Variants in NFIB observed in about 807,000 individuals in gnomAD.
The protein encoded by NFIB is nuclear factor 1 B-type.
NFIB carries 11 observed loss-of-function variants against 61.5 expected under a neutral mutation model. The observed-to-expected ratio is 0.18, with a 90% CI of 0.11 to 0.30. The LOEUF (loss-of-function observed/expected upper bound fraction) is 0.30. NFIB is among the 10% of genes least tolerant of loss of function. The pLI is 1.00. For missense variants in NFIB, 471 were observed against 608.9 expected (o/e 0.77, Z 2.38); for synonymous variants, 260 against 216.5 (o/e 1.20, Z -1.76).
rs2039217388 is a variant in NFIB at position 14,123,543 on chromosome 9, C to T, written c.1060+2089G>A. 3.3e-5 allele frequency among the ~76,000 whole-genome samples: 5 copies of T among 152,308 alleles called. No homozygotes were observed. The South Asian group carries it at 1.0e-3, about 32-fold the overall frequency. Reference sequence around the variant, plus strand: ...AAATCCCAACAGGTTTTTCAGTACACACAACCTCAGGTACTCTGAGACCGA... The same window carrying T: ...AAATCCCAACAGGTTTTTCAGTACATACAACCTCAGGTACTCTGAGACCGA... On this transcript the variant is annotated intron_variant, in intron 7 of 10. Transcript: ENST00000380953.
chr9:14,298,815 T>G (rs2059592697), intron 2 of NFIB, among the ~76,000 whole-genome samples: 2 of 152,182 alleles, frequency 1.3e-5, no homozygotes, highest in Non-Finnish European at 2.9e-5. Context: ...GGTAGCAACT[T>G]AGCCAGGGCG....
chr9:14,327,233 C>G (rs1162168989), intron 1 of NFIB, among the ~76,000 whole-genome samples: 2 of 152,136 alleles, frequency 1.3e-5, no homozygotes, highest in Non-Finnish European at 2.9e-5. Context: ...GACCATCCTG[C>G]CTTTTGCTCA....
intron 1 of NFIB, among the ~76,000 whole-genome samples, chr9:14,375,889 G>C (rs755515839): frequency 6.6e-6 from 1 of 152,188 alleles, no homozygotes; most frequent in Non-Finnish European, 1.5e-5. Flanking sequence ...CCTTAGAGCT[G>C]ATACATCATC....
intron 2 of NFIB, among the ~76,000 whole-genome samples, chr9:14,244,818 T>C (rs1238599453): frequency 6.6e-6 from 1 of 152,214 alleles, no homozygotes; most frequent in Non-Finnish European, 1.5e-5. Context: ...TTGTTGTTCT[T>C]GCTACTGTTA....
At chr9:14,156,241 T>TGAAA (rs1226988018) in intron 3 of NFIB, among the ~76,000 whole-genome samples, 1 of 151,654 alleles carries the variant, frequency 6.6e-6, no homozygotes, top group Non-Finnish European at 1.5e-5. Context: ...AAGCGAAAAA[T>TGAAA]GAAAGAAAGA....
intron 1 of NFIB, among the ~76,000 whole-genome samples, chr9:14,376,956 T>C (rs895498197): frequency 2.0e-5 from 3 of 152,192 alleles, no homozygotes; most frequent in African/African-American, 7.2e-5. Context: ...TAGTTTTTCT[T>C]CTCATTTGAG....
intron 1 of NFIB, among the ~76,000 whole-genome samples, chr9:14,339,191 C>G (rs1356967971): frequency 6.6e-6 from 1 of 152,128 alleles, no homozygotes; most frequent in Non-Finnish European, 1.5e-5. Flanking sequence ...ATTTTAGGGA[C>G]AAAAATTGCT....
intron 9 of NFIB, among the ~76,000 whole-genome samples, chr9:14,115,574 C>T (rs1486138813): frequency 1.3e-5 from 2 of 150,812 alleles, no homozygotes; most frequent in Non-Finnish European, 1.5e-5. Context: ...CACTAAAAAG[C>T]ACAGTATTTG....
chr9:14,311,616 A>G (rs1240780979), intron 1 of NFIB, among the ~76,000 whole-genome samples: 2 of 152,200 alleles, frequency 1.3e-5, no homozygotes, highest in African/African-American at 4.8e-5. Context: ...ATATGATCCC[A>G]ACATTCCCTG....
chr9:14,099,348 A>G (rs2035368289), intron 10 of NFIB, among the ~76,000 whole-genome samples: 1 of 152,202 alleles, frequency 6.6e-6, no homozygotes. Flanking sequence ...ACTTATTCAG[A>G]TGATTCTAAA....
chr9:14,455,496 G>C, the NFIB span, among the ~76,000 whole-genome samples: 2 of 152,142 alleles, frequency 1.3e-5, no homozygotes, highest in African/African-American at 4.8e-5. Flanking sequence ...GGGGTGAGAG[G>C]AGGACATGGC....
chr9:14,496,608 C>A, the NFIB span, among the ~76,000 whole-genome samples: 2 of 152,150 alleles, frequency 1.3e-5, no homozygotes, highest in African/African-American at 2.4e-5. Flanking sequence ...ACATTGGGAA[C>A]CCTTGGCACC....
rs2033039921 is a variant in NFIB at position 14,087,523 on chromosome 9, C to T, written c.*786G>A. 1 of 225,788 alleles carries T rather than the reference C, an allele frequency of 4.4e-6. No homozygotes were observed. The highest frequency in any genetic ancestry group is 5.7e-5 in the Admixed American group (1 of 17,518). 14.0% of individuals were successfully genotyped at this position (225,788 alleles called of 1,614,324 possible). A position where few individuals can be genotyped will look rare whatever the true frequency, so the allele number is the denominator to read the frequency against. ...AGAGAACACTTCACCTACATAGAGG[C>T]ATTTCTTCCATAGAGCCTTTGTGTT... On this transcript the variant is annotated 3_prime_UTR_variant, in exon 11 of 11. Transcript: ENST00000380953.
At chr9:14,333,679 A>G (rs942241198) in intron 1 of NFIB, among the ~76,000 whole-genome samples, 2 of 152,238 alleles carry the variant, frequency 1.3e-5, no homozygotes, top group African/African-American at 4.8e-5. Flanking sequence ...TCGAAAAAGA[A>G]ATTGTCGTGT....
the NFIB span, among the ~76,000 whole-genome samples, chr9:14,429,690 C>T: frequency 6.6e-6 from 1 of 152,198 alleles, no homozygotes; most frequent in African/African-American, 2.4e-5. Flanking sequence ...CCACCACCAG[C>T]TGACACTCTG....
intron 6 of NFIB, among the ~76,000 whole-genome samples, chr9:14,128,903 T>C (rs1388113351): frequency 2.6e-5 from 4 of 152,192 alleles, no homozygotes; most frequent in East Asian, 3.9e-4. Flanking sequence ...AAGTTGAAGA[T>C]GATTATGTAA....
chr9:14,110,563 T>G (rs983879584), intron 10 of NFIB, among the ~76,000 whole-genome samples: 3 of 152,090 alleles, frequency 2.0e-5, no homozygotes, highest in African/African-American at 7.2e-5. Context: ...CAAATGCATT[T>G]AGAAACTGCC....
At chr9:14,237,840 A>T (rs998369391) in intron 2 of NFIB, among the ~76,000 whole-genome samples, 4 of 28,004 alleles carry the variant, frequency 1.4e-4, no homozygotes, top group Admixed American at 4.7e-4. Flanking sequence ...GCTAGGTATA[A>T]CAGTGTGTGT....
chr9:14,345,123 G>A lies in NFIB; in HGVS notation c.109-37603C>T, dbSNP rs548630058. Among the ~76,000 whole-genome samples, 10 of 152,254 alleles carry A rather than the reference G, an allele frequency of 6.6e-5. No individual in the cohort carries two copies. In the South Asian group the frequency reaches 1.9e-3, roughly 28 times the overall value. On this transcript the variant is annotated intron_variant, in intron 1 of 8. Transcript: ENST00000380934. ...CTGGCCATTAACACACTTTCGCGGC[G>A]GAAGTGAGCGTGTTGAAGGGTACAG...
Sources: gnomAD v4.1 joint callset for allele counts (sites outside exome capture counted in the v4.1 genomes callset) on GRCh38, gnomAD v4.1.1 for gene constraint, MANE v1.5 for transcripts, NCBI Gene and HGNC (gene_info 2026-07-23, HGNC 2026-07-21) for gene names.